The following SUMF1 variants were observed in gnomAD, a reference collection of about 807,000 sequenced individuals.
The protein encoded by SUMF1 is sulfatase modifying factor 1, also known as formylglycine-generating enzyme.
SUMF1 carries 48 observed loss-of-function variants against 47.6 expected under a neutral mutation model. That is an observed-to-expected ratio of 1.01 (90% CI 0.80 to 1.28). SUMF1 has a LOEUF of 1.28. Among genes scored for constraint, SUMF1 ranks in the 50% most tolerant of loss-of-function variants. The pLI, the probability that SUMF1 is intolerant of heterozygous loss-of-function variation, is 0.00. For missense variants in SUMF1, 571 were observed against 485.4 expected, an observed-to-expected ratio of 1.18 and a Z score of -1.66; for synonymous variants, 230 against 192.1, an observed-to-expected ratio of 1.20 and a Z score of -1.63.
intron 8 of SUMF1, among the ~76,000 whole-genome samples, chr3:4,342,997 G>C (rs1011356594): frequency 6.6e-6 from 1 of 152,214 alleles, no homozygotes; most frequent in Non-Finnish European, 1.5e-5. Context: ...GATGTGAATG[G>C]GGACTTTAAA....
chr3:4,122,520 T>A (rs945674548), intron 8 of SUMF1, among the ~76,000 whole-genome samples: 3 of 152,162 alleles, frequency 2.0e-5, no homozygotes, highest in African/African-American at 7.2e-5. Flanking sequence ...TAAATGCCAC[T>A]AATTTGTTGA....
intron 8 of SUMF1, among the ~76,000 whole-genome samples, chr3:4,173,553 C>T (rs2125126012): frequency 6.6e-6 from 1 of 152,292 alleles, no homozygotes; most frequent in East Asian, 1.9e-4. Context: ...GGTTATAAAT[C>T]ATTCTGCTAT....
intron 8 of SUMF1, among the ~76,000 whole-genome samples, chr3:4,312,460 G>A (rs1245494983): frequency 6.6e-6 from 1 of 151,944 alleles, no homozygotes; most frequent in Non-Finnish European, 1.5e-5. Context: ...ATGTCCTTAT[G>A]TGTACCTATA....
intron 8 of SUMF1, among the ~76,000 whole-genome samples, chr3:4,149,247 T>A (rs1265004163): frequency 6.6e-6 from 1 of 152,116 alleles, no homozygotes; most frequent in African/African-American, 2.4e-5. Flanking sequence ...TTAACAGCAA[T>A]CATGTCCAGC....
At chr3:4,210,400 C>G (rs1459451725) in intron 8 of SUMF1, among the ~76,000 whole-genome samples, 1 of 152,018 alleles carries the variant, frequency 6.6e-6, no homozygotes, top group Non-Finnish European at 1.5e-5. Flanking sequence ...TAGAAAAAAG[C>G]TACAATAACT....
intron 8 of SUMF1, among the ~76,000 whole-genome samples, chr3:4,286,919 C>T (rs1361604516): frequency 6.6e-6 from 1 of 152,130 alleles, no homozygotes; most frequent in East Asian, 1.9e-4. Flanking sequence ...TATTGTAAAA[C>T]CATCTATTGC....
chr3:4,118,628 T>C (rs527427543), intron 8 of SUMF1, among the ~76,000 whole-genome samples: 1 of 152,260 alleles, frequency 6.6e-6, no homozygotes, highest in Admixed American at 6.5e-5. Flanking sequence ...AAACACACCA[T>C]AGTAACTACA....
At chr3:4,158,245 G>C (rs1484554107) in intron 8 of SUMF1, among the ~76,000 whole-genome samples, 1 of 151,624 alleles carries the variant, frequency 6.6e-6, no homozygotes, top group Non-Finnish European at 1.5e-5. Flanking sequence ...CAAATGTTTT[G>C]TATAGTTTCC....
At chr3:4,414,057 G>GT (rs1701629687) in intron 6 of SUMF1, among the ~76,000 whole-genome samples, 1 of 152,024 alleles carries the variant, frequency 6.6e-6, no homozygotes, top group African/African-American at 2.4e-5. Context: ...TAGAGACGGG[G>GT]TTTCACTGTG....
chr3:4,338,660 G>A (rs1176517285), intron 8 of SUMF1, among the ~76,000 whole-genome samples: 3 of 151,972 alleles, frequency 2.0e-5, no homozygotes, highest in Non-Finnish European at 4.4e-5. Flanking sequence ...TCTCATAAGG[G>A]AAAAACCAAA....
At chr3:4,068,085 C>T (rs1014004773) in intron 9 of SUMF1, among the ~76,000 whole-genome samples, 2 of 152,172 alleles carry the variant, frequency 1.3e-5, no homozygotes, top group African/African-American at 4.8e-5. Context: ...GAGAAAGCCT[C>T]TGGGCTTCCT....
Position 4,367,174 on chromosome 3 carries a change from G to T in SUMF1, c.1015-4920C>A, listed in dbSNP as rs572576009. ...AGGCTGCTCGGGGGTCAGGGGTCAG[G>T]GACCCACTTGAGGAGGCAGTCTGCC... On this transcript the variant is annotated intron_variant, in intron 8 of 8. Coordinates refer to ENST00000272902, the MANE Select transcript of SUMF1 (RefSeq NM_182760.4). 5.1e-3 allele frequency among the ~76,000 whole-genome samples: 778 copies of T among 152,298 alleles called. 3 individuals carry two copies. The highest frequency in any genetic ancestry group is 0.018 in the African/African-American group (736 of 41,556).
intron 3 of SUMF1, 149 bp downstream of exon 3, chr3:4,449,117 A>G: frequency 2.3e-6 from 2 of 857,722 alleles, no homozygotes; most frequent in Non-Finnish European, 4.0e-6. Context: ...GTCCTGGTCC[A>G]TGGGCCTATT....
chr3:4,223,939 A>G (rs551404764), intron 8 of SUMF1, among the ~76,000 whole-genome samples: 12 of 152,134 alleles, frequency 7.9e-5, no homozygotes, highest in Non-Finnish European at 1.6e-4. Flanking sequence ...TAAGCCTCAT[A>G]ATCCCCCTAG....
chr3:4,179,197 T>C (rs1574955408), intron 8 of SUMF1, among the ~76,000 whole-genome samples: 1 of 152,150 alleles, frequency 6.6e-6, no homozygotes, highest in South Asian at 2.1e-4. Flanking sequence ...TTAAAGTTCA[T>C]ATGGATCCAA....
chr3:4,077,584 C>T (rs1164764563), intron 8 of SUMF1, among the ~76,000 whole-genome samples: 1 of 152,086 alleles, frequency 6.6e-6, no homozygotes, highest in Non-Finnish European at 1.5e-5. Context: ...CATGTTCTCA[C>T]TCATAAGTGG....
intron 8 of SUMF1, among the ~76,000 whole-genome samples, chr3:4,127,581 G>C (rs895107192): frequency 6.6e-6 from 1 of 152,124 alleles, no homozygotes; most frequent in Admixed American, 6.6e-5. Flanking sequence ...AAGTTCTTCA[G>C]TTTTGGCGCT....
intron 8 of SUMF1, among the ~76,000 whole-genome samples, chr3:4,369,688 C>T (rs1224227034): frequency 3.3e-5 from 5 of 152,130 alleles, no homozygotes; most frequent in Admixed American, 3.3e-4. Flanking sequence ...ATGGCCAATA[C>T]AGGTTGCTTA....
chr3:4,042,196 GAC>G (rs1449158734), intron 9 of SUMF1, among the ~76,000 whole-genome samples: 7 of 152,134 alleles, frequency 4.6e-5, no homozygotes, highest in Non-Finnish European at 7.3e-5. Context: ...TGAGGTAAGA[GAC>G]ATGAGAAAGA....
Sources: gnomAD v4.1 joint callset for allele counts (sites outside exome capture counted in the v4.1 genomes callset) on GRCh38, gnomAD v4.1.1 for gene constraint, MANE v1.5 for transcripts, NCBI Gene and HGNC (gene_info 2026-07-23, HGNC 2026-07-21) for gene names.